Variants in ERC2 observed in about 807,000 individuals in gnomAD.
The protein encoded by ERC2 is ELKS/RAB6-interacting/CAST family member 2, also known as ERC protein 2.
ERC2 carries 42 observed loss-of-function variants against 114.8 expected under a neutral mutation model. That is an observed-to-expected ratio of 0.37 (90% CI 0.29 to 0.47). The LOEUF (loss-of-function observed/expected upper bound fraction) is 0.47, where lower values mean the gene tolerates loss of function less well. Ranked by LOEUF, ERC2 falls within the 20% of genes least tolerant of loss-of-function variation. The probability of loss-of-function intolerance (pLI) is 0.99; values close to 1 mark genes in which losing one functional copy is unlikely to be tolerated. For missense variants in ERC2, 939 were observed against 1,150.7 expected (o/e 0.82, Z 2.66); for synonymous variants, 454 against 425.5 (o/e 1.07, Z -0.82).
At chr3:55,915,495 G>T (rs965813810) in intron 13 of ERC2, among the ~76,000 whole-genome samples, 1 of 151,984 alleles carries the variant, frequency 6.6e-6, no homozygotes, top group Non-Finnish European at 1.5e-5. Context: ...AATATTTTAG[G>T]CCTCTTGATA....
chr3:55,900,674 T>TC (rs1366811996), intron 13 of ERC2, among the ~76,000 whole-genome samples: 1 of 152,196 alleles, frequency 6.6e-6, no homozygotes, highest in Non-Finnish European at 1.5e-5. Flanking sequence ...GGGAGTGGCT[T>TC]CCCTATATGT....
At chr3:56,028,382 C>T (rs1037643354) in intron 7 of ERC2, among the ~76,000 whole-genome samples, 1 of 152,028 alleles carries the variant, frequency 6.6e-6, no homozygotes. Context: ...CTATATAGCA[C>T]TATTTGAGCA....
At chr3:55,669,742 C>T (rs778738864) in intron 17 of ERC2, among the ~76,000 whole-genome samples, 1 of 152,174 alleles carries the variant, frequency 6.6e-6, no homozygotes, top group Non-Finnish European at 1.5e-5. Context: ...GAGCTATATC[C>T]AACCCATCCC....
At chr3:55,669,432 G>A (rs1046011782) in intron 17 of ERC2, among the ~76,000 whole-genome samples, 1 of 152,232 alleles carries the variant, frequency 6.6e-6, no homozygotes, top group African/African-American at 2.4e-5. Flanking sequence ...TCAACAAGCT[G>A]TTTCCAATAT....
chr3:56,002,482 G>A lies in ERC2; in HGVS notation c.2061+4699C>T, dbSNP rs144606302. ...CAAGTCACTAGGATAAAAAAAATTC[G>A]TGGTGGCACCTGGCTCATTTTACAA... On this transcript the variant is annotated intron_variant, in intron 10 of 17. Transcript: ENST00000288221. Among the ~76,000 whole-genome samples the A allele has an allele frequency of 1.4e-4, 22 of 152,188 alleles. 1 individual carries two copies. The highest frequency in any genetic ancestry group is 8.5e-4 in the Admixed American group (13 of 15,274).
At chr3:55,731,361 T>C (rs1390571151) in intron 15 of ERC2, among the ~76,000 whole-genome samples, 1 of 152,204 alleles carries the variant, frequency 6.6e-6, no homozygotes, top group Non-Finnish European at 1.5e-5. Context: ...TGTCAATTAG[T>C]AGTAGTAGCA....
intron 13 of ERC2, among the ~76,000 whole-genome samples, chr3:55,921,414 C>T (rs1019365459): frequency 1.3e-5 from 2 of 152,050 alleles, no homozygotes; most frequent in African/African-American, 2.4e-5. Flanking sequence ...TCTTTGAAGG[C>T]GGTATTCCCA....
At chr3:55,522,145 G>A (rs1438974009) in intron 17 of ERC2, among the ~76,000 whole-genome samples, 1 of 152,086 alleles carries the variant, frequency 6.6e-6, no homozygotes, top group Admixed American at 6.6e-5. Flanking sequence ...TGTTTTCTAA[G>A]CAACCACCAA....
chr3:56,110,822 A>G (rs2078920080), intron 6 of ERC2, among the ~76,000 whole-genome samples: 2 of 152,222 alleles, frequency 1.3e-5, no homozygotes, highest in South Asian at 4.1e-4. Flanking sequence ...TGGATAATCA[A>G]AGACTAATCT....
At chr3:55,625,169 A>G (rs548203675) in intron 17 of ERC2, among the ~76,000 whole-genome samples, 1 of 151,620 alleles carries the variant, frequency 6.6e-6, no homozygotes, top group Admixed American at 6.6e-5. Flanking sequence ...GGAGTTCGAG[A>G]TCAGCCTGGC....
chr3:55,837,251 T>C (rs1159885712), intron 14 of ERC2, among the ~76,000 whole-genome samples: 1 of 152,202 alleles, frequency 6.6e-6, no homozygotes. Flanking sequence ...ATCCCATTAC[T>C]GGGTATATAC....
chr3:55,777,154 C>A (rs1559638327), intron 14 of ERC2, among the ~76,000 whole-genome samples: 1 of 152,200 alleles, frequency 6.6e-6, no homozygotes, highest in African/African-American at 2.4e-5. Flanking sequence ...AATGGCCTTG[C>A]CAGGCAGAGG....
At chr3:56,354,696 G>C (rs2058677945) in intron 2 of ERC2, among the ~76,000 whole-genome samples, 1 of 152,110 alleles carries the variant, frequency 6.6e-6, no homozygotes, top group Non-Finnish European at 1.5e-5. Flanking sequence ...ACCTTTCCCA[G>C]CCTATGCCTA....
At chr3:56,157,697 C>A (rs998700052) in intron 4 of ERC2, among the ~76,000 whole-genome samples, 1 of 151,780 alleles carries the variant, frequency 6.6e-6, no homozygotes, top group African/African-American at 2.4e-5. Flanking sequence ...CTCTTAGAAT[C>A]TCCGAAACAT....
chr3:56,309,870 C>G (rs983172242), intron 2 of ERC2, among the ~76,000 whole-genome samples: 1 of 152,144 alleles, frequency 6.6e-6, no homozygotes, highest in Admixed American at 6.5e-5. Flanking sequence ...CTCCCTCCTC[C>G]GATTTGGGCA....
intron 14 of ERC2, among the ~76,000 whole-genome samples, chr3:55,810,000 C>T (rs909389731): frequency 2.0e-5 from 3 of 152,150 alleles, no homozygotes; most frequent in Admixed American, 6.5e-5. Context: ...AAATAATCCA[C>T]GATGACAAGA....
intron 2 of ERC2, among the ~76,000 whole-genome samples, chr3:56,359,258 T>A (rs1437060445): frequency 6.6e-6 from 1 of 152,202 alleles, no homozygotes; most frequent in East Asian, 1.9e-4. Flanking sequence ...CTTTTTCCTT[T>A]CTCTACTTCT....
intron 2 of ERC2, among the ~76,000 whole-genome samples, chr3:56,415,997 G>A (rs1296505264): frequency 6.6e-6 from 1 of 152,136 alleles, no homozygotes; most frequent in East Asian, 1.9e-4. Flanking sequence ...AAATTTTTGA[G>A]TGGCTTGGAG....
rs773474435 is a variant in ERC2 at position 55,662,549 on chromosome 3, A to G, written c.*39+21245T>C. On this transcript the variant is annotated intron_variant, in intron 17 of 17. Coordinates refer to ENST00000288221, the MANE Select transcript of ERC2 (RefSeq NM_015576.3). The stretch of plus-strand genomic sequence containing the variant: ...ATTTGTAAATGCAGACAAAGGACAT[A>G]TCTACCAATTAATTGGGGTCTATTG... 2.6e-5 allele frequency among the ~76,000 whole-genome samples: 4 copies of G among 152,258 alleles called. No individual in the cohort carries two copies. In the South Asian group the frequency reaches 6.2e-4, roughly 24 times the overall value.
Sources: gnomAD v4.1 joint callset for allele counts (sites outside exome capture counted in the v4.1 genomes callset) on GRCh38, gnomAD v4.1.1 for gene constraint, MANE v1.5 for transcripts, NCBI Gene and HGNC (gene_info 2026-07-23, HGNC 2026-07-21) for gene names.